ZNF536: variants seen among roughly 807,000 people sequenced by gnomAD.
ZNF536 encodes zinc finger protein 536.
Under a neutral mutation model 84.5 loss-of-function variants are expected in ZNF536, and 13 were observed. That is an observed-to-expected ratio of 0.15 (90% CI 0.10 to 0.24). The LOEUF (loss-of-function observed/expected upper bound fraction) is 0.24, where lower values mean the gene tolerates loss of function less well. Among genes scored for constraint, ZNF536 ranks in the 10% least tolerant of loss-of-function variants. ZNF536 has a pLI of 1.00. For missense variants in ZNF536, 1,536 were observed against 1,747.5 expected, an observed-to-expected ratio of 0.88 and a Z score of 2.16; for synonymous variants, 811 against 742.5, an observed-to-expected ratio of 1.09 and a Z score of -1.50.
chr19:30,445,869 GC>G lies in ZNF536; in HGVS notation c.2170+139del. ...AGGACAGGGGTGGGTTGGACACTGG[GC>G]CATGCCTTTCTTTCCCCCCCTGACT... On this transcript the variant is annotated intron_variant, in intron 2 of 4. Coordinates refer to ENST00000355537, the MANE Select transcript of ZNF536 (RefSeq NM_014717.3). This position sits in a 1 kb window ranked among gnomAD's most constrained non-coding sequence, Gnocchi z 4.5. 1 of 1,226,822 alleles carries G rather than the reference GC, an allele frequency of 8.2e-7. No individual in the cohort carries two copies. Among genetic ancestry groups the G allele is most frequent in the Non-Finnish European group, 1.1e-6 (1 of 917,174 alleles). The allele number at this position is 1,226,822 out of a possible 1,614,324, so 76.0% of individuals were successfully genotyped here. A position where few individuals can be genotyped will look rare whatever the true frequency, so the allele number is the denominator to read the frequency against.
intron 1 of ZNF536, among the ~76,000 whole-genome samples, chr19:30,596,748 C>CT (rs925531035): frequency 2.6e-5 from 4 of 151,172 alleles, no homozygotes; most frequent in African/African-American, 7.4e-5. Context: ...TTTAAGGAAA[C>CT]TTTTTTTGCG....
At position 30,360,613 on chromosome 19, in the gene ZNF536, G is replaced by A. The variant is rs78433590; in HGVS notation, c.-3+8129G>A. On this transcript the variant is annotated intron_variant, in intron 3 of 5. Transcript: ENST00000585628. Reference sequence around the variant, plus strand: ...TTTGGTCAGATGACATTTCTGGAAGGTGATAGTCGGTCTGACGCGGTCAGA... The same window carrying A: ...TTTGGTCAGATGACATTTCTGGAAGATGATAGTCGGTCTGACGCGGTCAGA... Among the ~76,000 whole-genome samples, 774 of 152,252 alleles carry A rather than the reference G, an allele frequency of 5.1e-3. 17 individuals carry two copies. Among genetic ancestry groups the A allele is most frequent in the Admixed American group, 0.036 (553 of 15,288 alleles).
rs574758593 is a variant in ZNF536 at position 30,617,947 on chromosome 19, A to G, written c.169+68433A>G. Reference sequence around the variant, plus strand: ...AATGTGGTCTATTGCGTTTTATTCCACGGACAACAAAAAGAGTGTTTGTTT... The same window carrying G: ...AATGTGGTCTATTGCGTTTTATTCCGCGGACAACAAAAAGAGTGTTTGTTT... On this transcript the variant is annotated intron_variant, in intron 1 of 1. Transcript: ENST00000592773. Among the ~76,000 whole-genome samples, 11 of 152,230 alleles carry G rather than the reference A, an allele frequency of 7.2e-5. No individual in the cohort carries two copies. In the South Asian group the frequency reaches 1.7e-3, roughly 23 times the overall value.
rs75532389 is a variant in ZNF536, at chr19:30,635,424, G to C, written c.170-75333G>C. ...AGAGAGGGAGAGTGTGCAATTCACAGAACTGGGCACTGGTACAACTGCTCT... is the reference window on the plus strand; with the variant it reads ...AGAGAGGGAGAGTGTGCAATTCACACAACTGGGCACTGGTACAACTGCTCT... On this transcript the variant is annotated intron_variant, in intron 1 of 1. Coordinates refer to the ZNF536 transcript ENST00000592773. Among the ~76,000 whole-genome samples, 559 of 152,322 alleles carry C rather than the reference G, an allele frequency of 3.7e-3. 4 individuals carry two copies. The highest frequency in any genetic ancestry group is 0.013 in the African/African-American group (540 of 41,562).
chr19:30,231,963 G>A (rs1219485136), intron 1 of ZNF536, among the ~76,000 whole-genome samples: 2 of 152,070 alleles, frequency 1.3e-5, no homozygotes, highest in Non-Finnish European at 1.5e-5. Context: ...GGGTTGGGGT[G>A]GAAATAAATG....
intron 2 of ZNF536, among the ~76,000 whole-genome samples, chr19:30,310,200 C>A (rs1443802301): frequency 6.6e-6 from 1 of 152,198 alleles, no homozygotes; most frequent in Admixed American, 6.5e-5. Context: ...GGTACGCCAG[C>A]CCCGCGTTAT....
intron 1 of ZNF536, among the ~76,000 whole-genome samples, chr19:30,602,118 G>T (rs1196473865): frequency 6.6e-6 from 1 of 152,202 alleles, no homozygotes; most frequent in African/African-American, 2.4e-5. Flanking sequence ...AAACGAATTA[G>T]GGTGCACAAT....
chr19:30,321,781 C>CT (rs1422663227), intron 2 of ZNF536, among the ~76,000 whole-genome samples: 1,775 of 108,560 alleles, frequency 0.016, 38 homozygotes, highest in African/African-American at 0.049. Context: ...TTCTTTCTTT[C>CT]TTTTTTTTTT....
intron 2 of ZNF536, among the ~76,000 whole-genome samples, chr19:30,479,681 T>C (rs1396978131): frequency 6.6e-6 from 1 of 152,180 alleles, no homozygotes; most frequent in African/African-American, 2.4e-5. Flanking sequence ...TGGGTTTTTG[T>C]CCCTGTCACT....
chr19:30,543,570 T>C (rs1463937236), intron 3 of ZNF536, among the ~76,000 whole-genome samples: 1 of 152,174 alleles, frequency 6.6e-6, no homozygotes. Flanking sequence ...TTTGCTAGAG[T>C]TAGCCCAGAG....
Position 30,328,454 on chromosome 19 carries a change from C to G in ZNF536, c.-119-23914C>G, listed in dbSNP as rs569816252. On this transcript the variant is annotated intron_variant, in intron 2 of 5. Transcript: ENST00000585628. The stretch of plus-strand genomic sequence containing the variant: ...CCTGCTCTTGGGGCTCTCTGCTGCC[C>G]TTGATCTTCACTCAGAACTCCATGG... 8.0e-4 allele frequency among the ~76,000 whole-genome samples: 122 copies of G among 152,342 alleles called. 2 individuals carry two copies. Among genetic ancestry groups the G allele is most frequent in the African/African-American group, 2.8e-3 (118 of 41,578 alleles).
chr19:30,506,234 G>T (rs1347043500), intron 2 of ZNF536, among the ~76,000 whole-genome samples: 1 of 152,046 alleles, frequency 6.6e-6, no homozygotes, highest in East Asian at 1.9e-4. Context: ...AGCTCTGGAG[G>T]GCATTGCCCT....
At chr19:30,278,721 A>G (rs1353143293) in intron 1 of ZNF536, among the ~76,000 whole-genome samples, 2 of 151,908 alleles carry the variant, frequency 1.3e-5, no homozygotes, top group Non-Finnish European at 2.9e-5. Context: ...ACACATCCCG[A>G]ATATGCCTGC....
At chr19:30,551,994 A>C (rs1333420431) in intron 4 of ZNF536, among the ~76,000 whole-genome samples, 2 of 151,954 alleles carry the variant, frequency 1.3e-5, no homozygotes, top group African/African-American at 4.8e-5. Context: ...ATCCTTTCTA[A>C]AAGTTACAAC....
At chr19:30,661,489 G>T (rs757078684) in intron 1 of ZNF536, among the ~76,000 whole-genome samples, 1 of 152,174 alleles carries the variant, frequency 6.6e-6, no homozygotes, top group Non-Finnish European at 1.5e-5. Context: ...ATAAATAGGT[G>T]CAAGCTTTTG....
chr19:30,706,300 C>T (rs912634368), intron 1 of ZNF536, among the ~76,000 whole-genome samples: 7 of 151,972 alleles, frequency 4.6e-5, no homozygotes, highest in African/African-American at 9.7e-5. Context: ...CTGGCTAACA[C>T]GGTGAAACCC....
At chr19:30,648,160 T>C (rs1279842349) in intron 1 of ZNF536, among the ~76,000 whole-genome samples, 4 of 152,108 alleles carry the variant, frequency 2.6e-5, no homozygotes, top group Non-Finnish European at 5.9e-5. Context: ...GGCTGCTCCA[T>C]GCAGAAGGTG....
At chr19:30,688,425 A>G (rs1286307302) in intron 1 of ZNF536, among the ~76,000 whole-genome samples, 1 of 152,198 alleles carries the variant, frequency 6.6e-6, no homozygotes, top group Non-Finnish European at 1.5e-5. Context: ...CTTAGGGCTT[A>G]AGATGCACTT....
At chr19:30,497,118 T>C (rs2054752131) in intron 2 of ZNF536, among the ~76,000 whole-genome samples, 1 of 152,186 alleles carries the variant, frequency 6.6e-6, no homozygotes, top group African/African-American at 2.4e-5. Context: ...CTGACACACA[T>C]ACCGAGAGAC....
Sources: gnomAD v4.1 joint callset for allele counts (sites outside exome capture counted in the v4.1 genomes callset) on GRCh38, gnomAD v4.1.1 for gene constraint, Gnocchi (gnomAD v3.1) non-coding constraint, MANE v1.5 for transcripts, NCBI Gene and HGNC (gene_info 2026-07-23, HGNC 2026-07-21) for gene names.